ACKR2: variants seen among roughly 807,000 people sequenced by gnomAD.
ACKR2 encodes the protein C-C chemokine receptor D6.
For missense variants in ACKR2, 457 were observed against 477.3 expected (o/e 0.96, Z 0.40); for synonymous variants, 207 against 192.2 (o/e 1.08, Z -0.64).
intron 2 of ACKR2, among the ~76,000 whole-genome samples, chr3:42,862,242 A>G (rs1459360988): frequency 6.6e-6 from 1 of 152,234 alleles, no homozygotes; most frequent in African/African-American, 2.4e-5. Context: ...CTAAATAATG[A>G]GTGAACTCCC....
rs147558440 is a variant in ACKR2 at position 42,851,474 on chromosome 3, G to A, written c.-37-12992G>A. On this transcript the variant is annotated intron_variant, in intron 2 of 2. Transcript: ENST00000422265. The stretch of plus-strand genomic sequence containing the variant: ...GCTCCGGTAGGTTATAGCCATACTC[G>A]GGGTGTGGGGTGGGGGTGAGACTTC... 15 of 977,702 alleles carry A rather than the reference G, an allele frequency of 1.5e-5. No homozygotes were observed. In the East Asian group the frequency reaches 1.4e-3, roughly 90 times the overall value. The allele number at this position is 977,702 out of a possible 1,614,324, so 60.6% of individuals were successfully genotyped here.
chr3:42,813,129 G>T (rs1700713051), intron 1 of ACKR2, among the ~76,000 whole-genome samples: 1 of 152,118 alleles, frequency 6.6e-6, no homozygotes, highest in Admixed American at 6.5e-5. Flanking sequence ...TTTAGCATTA[G>T]GGCCTTTGGG....
intron 1 of ACKR2, among the ~76,000 whole-genome samples, chr3:42,814,798 C>T (rs1175696150): frequency 6.6e-6 from 1 of 152,154 alleles, no homozygotes; most frequent in Non-Finnish European, 1.5e-5. Flanking sequence ...ATAACAAAGA[C>T]AGTTTATAAG....
At chr3:42,863,617 C>T (rs1465141132) in intron 2 of ACKR2, among the ~76,000 whole-genome samples, 2 of 152,188 alleles carry the variant, frequency 1.3e-5, no homozygotes, top group Non-Finnish European at 2.9e-5. Context: ...ACCCAAATGC[C>T]CATCAATGAT....
intron 2 of ACKR2, among the ~76,000 whole-genome samples, chr3:42,858,870 G>A (rs1306657846): frequency 6.6e-6 from 1 of 151,862 alleles, no homozygotes; most frequent in East Asian, 1.9e-4. Flanking sequence ...TGAGAACTTT[G>A]TGAAGCATAC....
intron 2 of ACKR2, among the ~76,000 whole-genome samples, chr3:42,863,015 A>G (rs985259728): frequency 7.2e-5 from 11 of 152,210 alleles, no homozygotes; most frequent in African/African-American, 2.7e-4. Context: ...AATGGGATCT[A>G]ATTAAACTAA....
chr3:42,832,176 AC>A (rs1700937779), intron 2 of ACKR2, among the ~76,000 whole-genome samples: 1 of 152,044 alleles, frequency 6.6e-6, no homozygotes. Flanking sequence ...AGATGTCATG[AC>A]CCTTAATTGT....
At chr3:42,827,656 A>C (rs895569937) in intron 2 of ACKR2, among the ~76,000 whole-genome samples, 6 of 152,128 alleles carry the variant, frequency 3.9e-5, no homozygotes, top group African/African-American at 1.2e-4. Context: ...GAGATCTACG[A>C]GATACCAATG....
At position 42,865,530 on chromosome 3, in the gene ACKR2, C is replaced by A. The variant is rs1302397675; in HGVS notation, c.1028C>A (p.Ser343Ter). ...WHLAPGTAQA[S>*]LSSCSESSIL... ...CTGGCACCTGGCACTGCCCAGGCCT[C>A]ATTATCCAGCTGTTCTGAGAGCAGC... is the stretch of plus-strand genomic sequence containing the variant. The change falls in exon 3 of 3, where the codon TCA becomes TAA. Residue 343 changes from serine (S) to a stop codon, truncating the protein, a stop_gained. Transcript: ENST00000422265. LOFTEE classifies it low-confidence loss of function (END_TRUNC). 3.7e-6 allele frequency: 6 copies of A among 1,614,150 alleles called. No individual in the cohort carries two copies. The highest frequency in any genetic ancestry group is 1.3e-5 in the African/African-American group (1 of 75,024).
At position 42,866,930 on chromosome 3, in the gene ACKR2, A is replaced by G. The variant is rs963158312; in HGVS notation, c.*1273A>G. On this transcript the variant is annotated 3_prime_UTR_variant, in exon 3 of 3. Coordinates refer to ENST00000422265, the MANE Select transcript of ACKR2 (RefSeq NM_001296.5). ...ACTCTGTCATCCAGGCTGAAGTCCA[A>G]TCCCACAATCATGGCTCACTGCAGC... 7 of 165,336 alleles carry G rather than the reference A, an allele frequency of 4.2e-5. No homozygotes were observed. Among genetic ancestry groups the G allele is most frequent in the Non-Finnish European group, 8.8e-5 (6 of 68,046 alleles). 10.2% of individuals were successfully genotyped at this position (165,336 alleles called of 1,614,324 possible). A position where few individuals can be genotyped will look rare whatever the true frequency, so the allele number is the denominator to read the frequency against.
intron 1 of ACKR2, among the ~76,000 whole-genome samples, chr3:42,812,845 T>C (rs1056197747): frequency 2.6e-5 from 4 of 151,828 alleles, no homozygotes; most frequent in Non-Finnish European, 1.5e-5. Context: ...TGCCACCACA[T>C]CCGGCTAATT....
intron 2 of ACKR2, among the ~76,000 whole-genome samples, chr3:42,857,065 G>A (rs921638617): frequency 2.0e-5 from 3 of 151,886 alleles, no homozygotes; most frequent in African/African-American, 7.2e-5. Context: ...CCATCTCCAT[G>A]GTCCACCCCA....
intron 2 of ACKR2, among the ~76,000 whole-genome samples, chr3:42,826,207 G>C (rs1700863367): frequency 2.0e-5 from 3 of 152,070 alleles, no homozygotes. Context: ...GGATATTGGT[G>C]TGTAGTGTTC....
intron 2 of ACKR2, among the ~76,000 whole-genome samples, chr3:42,858,554 A>G (rs1047519914): frequency 3.3e-5 from 5 of 152,166 alleles, no homozygotes; most frequent in Admixed American, 6.5e-5. Flanking sequence ...AGATAAATCC[A>G]TGAAGATGAG....
In ACKR2 at chr3:42,864,912, G is replaced by A. The variant is rs1180805506; in HGVS notation, c.410G>A (p.Cys137Tyr). ...NFYSGIFFIS[C>Y]MSLDKYLEIV... ...TACAGTGGCATCTTTTTCATTAGCT[G>A]CATGAGCCTGGACAAGTACCTGGAG... Residue 137 changes from cysteine to tyrosine, a missense_variant, in exon 3 of 3, where the codon TGC (cysteine) becomes TAC (tyrosine). Coordinates refer to ENST00000422265, the MANE Select transcript of ACKR2 (RefSeq NM_001296.5). 3 of 1,614,112 alleles carry A rather than the reference G, an allele frequency of 1.9e-6. No individual in the cohort carries two copies. Among genetic ancestry groups the A allele is most frequent in the Admixed American group, 3.3e-5 (2 of 60,012 alleles).
chr3:42,865,648 A>G lies in ACKR2; in HGVS notation c.1146A>G (p.Lys382=). 1.2e-6 allele frequency: 2 copies of G among 1,606,786 alleles called. No homozygotes were observed. The highest frequency in any genetic ancestry group is 1.7e-6 in the Non-Finnish European group (2 of 1,175,988). Residue 382 remains lysine (K), a synonymous_variant, in exon 3 of 3, where the codon AAA becomes AAG. Coordinates refer to ENST00000422265, the MANE Select transcript of ACKR2 (RefSeq NM_001296.5). ...NYPNKEDVGN[K]SA is the part of the protein sequence containing the mutation. ...CTAACAAGGAGGATGTGGGGAATAA[A>G]TCAGCCTGAGTGACCAAATTTTGGT... is the stretch of plus-strand genomic sequence containing the variant.
At chr3:42,858,986 T>C (rs2088351600) in intron 2 of ACKR2, among the ~76,000 whole-genome samples, 1 of 151,590 alleles carries the variant, frequency 6.6e-6, no homozygotes. Flanking sequence ...AAAAAGAATA[T>C]AAAGGAACGA....
intron 1 of ACKR2, among the ~76,000 whole-genome samples, 186 bp from the exon 2 acceptor site, chr3:42,819,444 CT>C (rs1700786705): frequency 1.3e-5 from 2 of 150,698 alleles, no homozygotes; most frequent in Admixed American, 6.6e-5. Flanking sequence ...TTTCCTGGCT[CT>C]TTCCAGTAGA....
intron 2 of ACKR2, among the ~76,000 whole-genome samples, chr3:42,861,125 T>C (rs1462412704): frequency 6.6e-6 from 1 of 151,786 alleles, no homozygotes; most frequent in Admixed American, 6.6e-5. Context: ...GCCAGACTGA[T>C]AAACAAGAAA....
Sources: gnomAD v4.1 joint callset for allele counts (sites outside exome capture counted in the v4.1 genomes callset) on GRCh38, gnomAD v4.1.1 for gene constraint, MANE v1.5 for transcripts, NCBI Gene and HGNC (gene_info 2026-07-23, HGNC 2026-07-21) for gene names.